Variants in ESR1 observed in about 807,000 individuals in gnomAD.
The protein encoded by ESR1 is estrogen receptor 1.
In ESR1, 12 loss-of-function variants were observed where a neutral mutation model predicts 52.7. The ratio of observed to expected loss-of-function variants is 0.23; its 90% CI spans 0.15 to 0.37. The LOEUF is 0.37. ESR1 is among the 10% of genes least tolerant of loss of function. The probability of loss-of-function intolerance (pLI) is 1.00; values close to 1 mark genes in which losing one functional copy is unlikely to be tolerated. For missense variants in ESR1, 584 were observed against 779.7 expected (o/e 0.75, Z 2.99); for synonymous variants, 305 against 316.8 (o/e 0.96, Z 0.39).
intron 1 of ESR1, among the ~76,000 whole-genome samples, chr6:151,677,270 T>C (rs1237570165): frequency 1.3e-5 from 2 of 152,218 alleles, no homozygotes; most frequent in African/African-American, 4.8e-5. Flanking sequence ...TAGCTATGCC[T>C]GGGGCAGCTT....
intron 4 of ESR1, among the ~76,000 whole-genome samples, chr6:151,958,078 G>A (rs3020394): frequency 0.56 from 84,483 of 152,044 alleles, 25,161 homozygotes; most frequent in Middle Eastern, 0.72. Flanking sequence ...TGAAAATACA[G>A]TCTTTAAGCT....
intron 4 of ESR1, among the ~76,000 whole-genome samples, chr6:151,952,341 A>G (rs538890122): frequency 1.5e-4 from 23 of 152,282 alleles, no homozygotes; most frequent in African/African-American, 5.5e-4. Flanking sequence ...TGACCATTCT[A>G]TTTGATTTCT....
chr6:151,691,345 A>G (rs1019548207), intron 1 of ESR1, among the ~76,000 whole-genome samples: 3 of 152,156 alleles, frequency 2.0e-5, no homozygotes, highest in South Asian at 2.1e-4. Flanking sequence ...TACTCGGGTA[A>G]TGATGTGGCA....
intron 4 of ESR1, among the ~76,000 whole-genome samples, chr6:151,965,488 C>T (rs76671488): frequency 0.017 from 2,529 of 152,148 alleles, 59 homozygotes; most frequent in African/African-American, 0.052. Context: ...TTATATAATA[C>T]ATCCCTGAAG....
At chr6:151,905,427 T>G (rs1004901877) in intron 3 of ESR1, among the ~76,000 whole-genome samples, 4 of 152,174 alleles carry the variant, frequency 2.6e-5, no homozygotes, top group African/African-American at 9.7e-5. Context: ...GGGTTAAAAC[T>G]TGGTTGATTC....
chr6:151,981,430 A>G (rs1237190510), intron 4 of ESR1, among the ~76,000 whole-genome samples: 1 of 152,182 alleles, frequency 6.6e-6, no homozygotes, highest in African/African-American at 2.4e-5. Flanking sequence ...ATTGAATTGA[A>G]TTTGTTCTTA....
intron 6 of ESR1, chr6:152,122,214 C>T (rs1302629019): frequency 1.5e-6 from 1 of 681,960 alleles, no homozygotes; most frequent in Non-Finnish European, 2.4e-6. Flanking sequence ...AGTCTCAAAC[C>T]AGATTTCTTC....
intron 4 of ESR1, among the ~76,000 whole-genome samples, chr6:151,974,910 T>C (rs541013405): frequency 9.2e-4 from 140 of 152,216 alleles, no homozygotes; most frequent in Non-Finnish European, 1.4e-3. Context: ...CTGTTGTTCC[T>C]GTGTTTAGGC....
At chr6:151,892,381 A>C (rs1289938605) in intron 3 of ESR1, among the ~76,000 whole-genome samples, 4 of 152,154 alleles carry the variant, frequency 2.6e-5, no homozygotes, top group African/African-American at 9.7e-5. Context: ...CAACTGTAAA[A>C]ACCGGTAGGA....
At chr6:151,858,052 A>T (rs1788192012) in intron 2 of ESR1, among the ~76,000 whole-genome samples, 1 of 152,150 alleles carries the variant, frequency 6.6e-6, no homozygotes. Context: ...GTACAGAAAG[A>T]TTATTCTGTA....
chr6:152,056,428 AT>A (rs2047108830), intron 5 of ESR1, among the ~76,000 whole-genome samples: 1 of 152,156 alleles, frequency 6.6e-6, no homozygotes, highest in Non-Finnish European at 1.5e-5. Context: ...GTTTCCTTTT[AT>A]ATAAAGAGAT....
At chr6:151,893,773 G>A (rs1166127142) in intron 3 of ESR1, among the ~76,000 whole-genome samples, 1 of 152,166 alleles carries the variant, frequency 6.6e-6, no homozygotes, top group Non-Finnish European at 1.5e-5. Flanking sequence ...GGAGGCTGCT[G>A]GAGCTGAGGC....
At chr6:152,042,649 A>C (rs941742599) in intron 5 of ESR1, among the ~76,000 whole-genome samples, 1 of 152,138 alleles carries the variant, frequency 6.6e-6, no homozygotes, top group Non-Finnish European at 1.5e-5. Flanking sequence ...AAATTGATTG[A>C]GGGGCCGTGA....
At chr6:151,703,333 T>C (rs1018507077) in intron 2 of ESR1, among the ~76,000 whole-genome samples, 2 of 152,126 alleles carry the variant, frequency 1.3e-5, no homozygotes, top group South Asian at 4.1e-4. Context: ...GTCAGGCCAG[T>C]CTTCTGAGGC....
At chr6:152,082,230 C>A (rs1011001335) in intron 6 of ESR1, among the ~76,000 whole-genome samples, 6 of 152,096 alleles carry the variant, frequency 3.9e-5, no homozygotes. Context: ...ACTGGCAAAC[C>A]AAATCCAGCA....
chr6:151,701,264 A>G (rs528871652), intron 1 of ESR1, among the ~76,000 whole-genome samples: 4 of 151,102 alleles, frequency 2.6e-5, no homozygotes, highest in Admixed American at 2.6e-4. Context: ...AATGGAAGTC[A>G]TCTGTAATCT....
Position 151,850,080 on chromosome 6 carries a change from T to TTATATA in ESR1, c.643+7300_643+7305dup, listed in dbSNP as rs1156493076. Among the ~76,000 whole-genome samples the TTATATA allele has an allele frequency of 3.9e-4, 19 of 48,432 alleles. 1 individual carries two copies. In the South Asian group the frequency reaches 0.012, roughly 32 times the overall value. The allele number at this position is 48,432 out of a possible 152,430, so 31.8% of individuals were successfully genotyped here. A position where few individuals can be genotyped will look rare whatever the true frequency, so the allele number is the denominator to read the frequency against. On this transcript the variant is annotated intron_variant, in intron 2 of 7. Transcript: ENST00000206249. ...TATAATTTTATATATATATAAAAAATTATATATATATAATTTTATATATAT... is the reference window on the plus strand; with the variant it reads ...TATAATTTTATATATATATAAAAAATTATATATATATATATATAATTTTATATATAT...
intron 2 of ESR1, among the ~76,000 whole-genome samples, chr6:151,763,500 T>C (rs761529409): frequency 6.6e-6 from 1 of 152,232 alleles, no homozygotes; most frequent in South Asian, 2.1e-4. Context: ...TGCGTACATA[T>C]GTGCGTCTTT....
chr6:151,749,466 G>A (rs1367932251), intron 2 of ESR1, among the ~76,000 whole-genome samples: 3 of 152,122 alleles, frequency 2.0e-5, no homozygotes, highest in Non-Finnish European at 4.4e-5. Context: ...AATATACGAT[G>A]CATTATTGTT....
Sources: gnomAD v4.1 joint callset for allele counts (sites outside exome capture counted in the v4.1 genomes callset) on GRCh38, gnomAD v4.1.1 for gene constraint, MANE v1.5 for transcripts, NCBI Gene and HGNC (gene_info 2026-07-23, HGNC 2026-07-21) for gene names.